The following MDGA2 variants were observed in gnomAD, a reference collection of about 807,000 sequenced individuals.
The protein encoded by MDGA2 is MAM domain containing glycosylphosphatidylinositol anchor 2.
Under a neutral mutation model 117.8 loss-of-function variants are expected in MDGA2, and 40 were observed. The observed-to-expected ratio is 0.34, with a 90% CI of 0.26 to 0.44. The LOEUF is 0.44. MDGA2 is among the 20% of genes least tolerant of loss of function. MDGA2 has a pLI of 1.00. For synonymous variants in MDGA2, 452 were observed against 439.0 expected (o/e 1.03, Z -0.37); for missense variants, 1,123 against 1,250.6 (o/e 0.90, Z 1.54).
At chr14:47,372,908 G>A (rs1188854087) in intron 1 of MDGA2, among the ~76,000 whole-genome samples, 3 of 151,866 alleles carry the variant, frequency 2.0e-5, no homozygotes, top group Non-Finnish European at 4.4e-5. Context: ...ATGAGTCAGA[G>A]CTATCTCTTT....
chr14:47,394,301 T>C (rs1265134762), intron 1 of MDGA2, among the ~76,000 whole-genome samples: 1 of 152,100 alleles, frequency 6.6e-6, no homozygotes, highest in Admixed American at 6.6e-5. Context: ...GAAGGAGACA[T>C]AGTTTTTTAA....
chr14:47,452,204 T>C (rs1274733016), intron 1 of MDGA2, among the ~76,000 whole-genome samples: 24 of 151,964 alleles, frequency 1.6e-4, no homozygotes, highest in Admixed American at 1.6e-3. Flanking sequence ...AACTTACACA[T>C]ACTGATGCAT....
intron 1 of MDGA2, among the ~76,000 whole-genome samples, chr14:47,621,032 CAG>C (rs1897040875): frequency 6.6e-6 from 1 of 152,160 alleles, no homozygotes; most frequent in African/African-American, 2.4e-5. Flanking sequence ...ATTACTTAAA[CAG>C]AGCAAATCCT....
intron 4 of MDGA2, among the ~76,000 whole-genome samples, chr14:47,143,830 T>A (rs1882824379): frequency 6.6e-6 from 1 of 152,010 alleles, no homozygotes; most frequent in Non-Finnish European, 1.5e-5. Flanking sequence ...AACTTATAGA[T>A]TAAAAAAAAG....
intron 5 of MDGA2, among the ~76,000 whole-genome samples, chr14:47,116,315 A>G (rs1881328582): frequency 6.6e-6 from 1 of 152,150 alleles, no homozygotes; most frequent in Admixed American, 6.6e-5. Context: ...AAGACTTAAT[A>G]TTGTTAAAAT....
chr14:47,668,312 G>A (rs973248909), intron 1 of MDGA2, among the ~76,000 whole-genome samples: 12 of 152,124 alleles, frequency 7.9e-5, no homozygotes, highest in Non-Finnish European at 1.3e-4. Context: ...AAATAATTAA[G>A]TACATGCCCC....
At chr14:47,668,912 A>G (rs557475510) in intron 1 of MDGA2, among the ~76,000 whole-genome samples, 50 of 152,298 alleles carry the variant, frequency 3.3e-4, no homozygotes, top group African/African-American at 1.2e-3. Context: ...TTTATAGATT[A>G]CAAACCTTGA....
chr14:47,309,712 T>A (rs377121860), intron 1 of MDGA2, among the ~76,000 whole-genome samples: 3 of 152,086 alleles, frequency 2.0e-5, no homozygotes, highest in Non-Finnish European at 4.4e-5. Flanking sequence ...AAGAAAAAAC[T>A]TTAAACATTT....
At chr14:47,592,699 C>T in intron 1 of MDGA2, among the ~76,000 whole-genome samples, 1 of 152,130 alleles carries the variant, frequency 6.6e-6, no homozygotes, top group Admixed American at 6.5e-5. Flanking sequence ...AAAATTGAAA[C>T]TGAACCATTT....
chr14:47,106,922 C>T (rs547115951), intron 5 of MDGA2, among the ~76,000 whole-genome samples: 11 of 128,024 alleles, frequency 8.6e-5, no homozygotes, highest in African/African-American at 3.4e-4. Flanking sequence ...TTAGTTATCC[C>T]CACCTGCCCA....
intron 8 of MDGA2, among the ~76,000 whole-genome samples, chr14:47,029,281 T>G (rs958635398): frequency 8.5e-5 from 13 of 152,306 alleles, no homozygotes; most frequent in African/African-American, 2.4e-4. Flanking sequence ...TCTCTCTCCT[T>G]CACCTAATTT....
chr14:47,268,044 G>C (rs1170549578), intron 2 of MDGA2, among the ~76,000 whole-genome samples: 1 of 151,680 alleles, frequency 6.6e-6, no homozygotes, highest in African/African-American at 2.4e-5. Context: ...ATCTACTCAT[G>C]CAGCCTCAAA....
At chr14:47,622,559 G>A (rs1424666204) in intron 1 of MDGA2, among the ~76,000 whole-genome samples, 1 of 152,202 alleles carries the variant, frequency 6.6e-6, no homozygotes, top group Non-Finnish European at 1.5e-5. Context: ...GACAGCTGAT[G>A]ATGATTTCCC....
chr14:46,868,181 A>G (rs569660610), intron 14 of MDGA2, among the ~76,000 whole-genome samples: 3 of 152,078 alleles, frequency 2.0e-5, no homozygotes, highest in African/African-American at 4.8e-5. Context: ...ATAGGTATAC[A>G]TATCAGGAGT....
At chr14:47,166,657 C>G (rs1245262017) in intron 3 of MDGA2, among the ~76,000 whole-genome samples, 2 of 152,096 alleles carry the variant, frequency 1.3e-5, no homozygotes, top group African/African-American at 2.4e-5. Context: ...CTCTAGACTT[C>G]TAGTCTACAA....
intron 3 of MDGA2, among the ~76,000 whole-genome samples, chr14:47,201,311 A>G (rs1373027458): frequency 6.6e-6 from 1 of 152,194 alleles, no homozygotes; most frequent in Non-Finnish European, 1.5e-5. Flanking sequence ...CTCTACTGAA[A>G]GGACAGTCAC....
intron 2 of MDGA2, among the ~76,000 whole-genome samples, chr14:47,234,595 G>A (rs1886799098): frequency 6.6e-6 from 1 of 152,006 alleles, no homozygotes; most frequent in Non-Finnish European, 1.5e-5. Context: ...ACAACACCAA[G>A]AGGAAATAAA....
chr14:47,613,495 A>ACGCACACG (rs1896892008), intron 1 of MDGA2, among the ~76,000 whole-genome samples: 1 of 151,756 alleles, frequency 6.6e-6, no homozygotes, highest in East Asian at 1.9e-4. Flanking sequence ...ACACACACAC[A>ACGCACACG]CACACACACA....
chr14:47,509,983 T>C (rs550957061), intron 1 of MDGA2, among the ~76,000 whole-genome samples: 1 of 152,288 alleles, frequency 6.6e-6, no homozygotes, highest in African/African-American at 2.4e-5. Context: ...TTTGTGTATG[T>C]GAAGAACATG....
Sources: allele counts gnomAD v4.1 joint callset (sites outside exome capture counted in the v4.1 genomes callset), GRCh38; gene constraint gnomAD v4.1.1; transcripts MANE v1.5; gene names NCBI Gene and HGNC (gene_info 2026-07-23, HGNC 2026-07-21).